The following SV2C variants were observed in gnomAD, a reference collection of about 807,000 sequenced individuals.
The protein encoded by SV2C is solute carrier family 22 member B3.
In SV2C, 49 loss-of-function variants were observed where a neutral mutation model predicts 79.7. The observed-to-expected ratio is 0.61, with a 90% CI of 0.49 to 0.78. The LOEUF (loss-of-function observed/expected upper bound fraction) is 0.78, where lower values mean the gene tolerates loss of function less well. SV2C is among the 30% of genes least tolerant of loss of function. SV2C has a pLI of 0.00. For missense variants in SV2C, 833 were observed against 912.9 expected (o/e 0.91, Z 1.13); for synonymous variants, 334 against 333.2 (o/e 1.00, Z -0.03).
At chr5:76,012,556 G>T in the SV2C span, among the ~76,000 whole-genome samples, 154 of 152,280 alleles carry the variant, frequency 1.0e-3, 1 homozygote, top group Admixed American at 4.1e-3. Context: ...TCTGTAGGTT[G>T]TATGTTCACT....
At chr5:76,321,364 CA>C (rs1748823427) in intron 12 of SV2C, among the ~76,000 whole-genome samples, 1 of 151,696 alleles carries the variant, frequency 6.6e-6, no homozygotes, top group Non-Finnish European at 1.5e-5. Context: ...CAGTGACAGC[CA>C]AAAAAGAGTA....
At chr5:76,012,204 A>G in the SV2C span, among the ~76,000 whole-genome samples, 39 of 152,304 alleles carry the variant, frequency 2.6e-4, 1 homozygote, top group South Asian at 8.1e-3. Flanking sequence ...ACAATGGTTG[A>G]ACTAATTTAC....
intron 2 of SV2C, among the ~76,000 whole-genome samples, chr5:76,190,180 T>C (rs1744051384): frequency 5.9e-5 from 9 of 152,154 alleles, no homozygotes; most frequent in Admixed American, 5.9e-4. Context: ...AAGGGAAAAT[T>C]ATTTGTAATG....
intron 2 of SV2C, among the ~76,000 whole-genome samples, chr5:76,140,230 A>G (rs1376637024): frequency 1.3e-5 from 2 of 152,156 alleles, no homozygotes; most frequent in Non-Finnish European, 2.9e-5. Context: ...AACAGAAAAT[A>G]TCTCTGGTAG....
At chr5:76,197,909 G>T (rs781238263) in intron 3 of SV2C, among the ~76,000 whole-genome samples, 6 of 152,156 alleles carry the variant, frequency 3.9e-5, no homozygotes, top group Admixed American at 3.9e-4. Flanking sequence ...AAGGCTAAAG[G>T]CCTAATAACT....
At chr5:76,093,276 T>A (rs1747438703) in intron 1 of SV2C, among the ~76,000 whole-genome samples, 1 of 152,146 alleles carries the variant, frequency 6.6e-6, no homozygotes, top group Non-Finnish European at 1.5e-5. Flanking sequence ...AAGTTCTCCC[T>A]CTCCTGCTCT....
At chr5:76,075,516 G>T in the SV2C span, 1 of 167,212 alleles carries the variant, frequency 6.0e-6, no homozygotes, top group Non-Finnish European at 1.3e-5. Flanking sequence ...AATCTCGAGA[G>T]CTTGTCAGAA....
chr5:76,320,992 G>A (rs777805609), intron 12 of SV2C, among the ~76,000 whole-genome samples: 4 of 152,198 alleles, frequency 2.6e-5, no homozygotes, highest in Non-Finnish European at 4.4e-5. Context: ...TAGGTGTGAT[G>A]TAACCCACAA....
intron 4 of SV2C, among the ~76,000 whole-genome samples, chr5:76,272,987 C>T (rs1219761204): frequency 1.3e-5 from 2 of 151,696 alleles, no homozygotes; most frequent in East Asian, 3.9e-4. Context: ...CCTATTTGTG[C>T]TTTAAGATAA....
chr5:76,016,638 G>A, the SV2C span, among the ~76,000 whole-genome samples: 1 of 152,152 alleles, frequency 6.6e-6, no homozygotes, highest in Non-Finnish European at 1.5e-5. Flanking sequence ...GCTCTCCAGG[G>A]TTTGTGTGAT....
chr5:76,173,975 A>G, intron 2 of SV2C: 2 of 1,557,200 alleles, frequency 1.3e-6, no homozygotes, highest in Non-Finnish European at 1.8e-6. Flanking sequence ...TTTCATGTAT[A>G]AATCCCTCAT....
chr5:75,900,846 C>G, the SV2C span, among the ~76,000 whole-genome samples: 2 of 152,186 alleles, frequency 1.3e-5, no homozygotes, highest in African/African-American at 4.8e-5. Flanking sequence ...CATCTTCCAT[C>G]ACTGATACCC....
intron 4 of SV2C, among the ~76,000 whole-genome samples, chr5:76,280,711 G>A (rs966854410): frequency 7.9e-5 from 12 of 152,194 alleles, no homozygotes; most frequent in Admixed American, 6.5e-4. Flanking sequence ...GGAGGCAGGC[G>A]TCAGGGGCCT....
At chr5:75,914,430 T>C in the SV2C span, among the ~76,000 whole-genome samples, 8,681 of 152,296 alleles carry the variant, frequency 0.057, 312 homozygotes, top group Admixed American at 0.082. Context: ...CCCAGCTGAA[T>C]CTTTAGTGAA....
chr5:76,238,515 C>T (rs1745687420), intron 4 of SV2C, among the ~76,000 whole-genome samples: 3 of 152,060 alleles, frequency 2.0e-5, no homozygotes, highest in Admixed American at 2.0e-4. Context: ...TGGACACTCT[C>T]TTAGTACCTG....
At chr5:76,154,314 C>T (rs1283567121) in intron 2 of SV2C, among the ~76,000 whole-genome samples, 2 of 152,136 alleles carry the variant, frequency 1.3e-5, no homozygotes, top group Admixed American at 1.3e-4. Context: ...ATTCCCTTGC[C>T]TTCTCTTTCT....
chr5:75,971,324 G>A, the SV2C span, among the ~76,000 whole-genome samples: 1 of 151,984 alleles, frequency 6.6e-6, no homozygotes, highest in African/African-American at 2.4e-5. Flanking sequence ...GTTCTGGCCA[G>A]GGCAATCAGG....
At chr5:75,910,521 T>G in the SV2C span, 5 of 629,226 alleles carry the variant, frequency 7.9e-6, no homozygotes, top group African/African-American at 7.2e-5. Context: ...TAGAAGTTGT[T>G]GGGGCTTTGT....
intron 4 of SV2C, among the ~76,000 whole-genome samples, chr5:76,237,014 G>T (rs1053762874): frequency 6.6e-5 from 10 of 152,206 alleles, no homozygotes; most frequent in African/African-American, 2.4e-4. Flanking sequence ...GATGCCCTGT[G>T]AAGAAGGTGC....
Sources: allele counts gnomAD v4.1 joint callset (sites outside exome capture counted in the v4.1 genomes callset), GRCh38; gene constraint gnomAD v4.1.1; transcripts MANE v1.5; gene names NCBI Gene and HGNC (gene_info 2026-07-23, HGNC 2026-07-21).